The following LRRC56 variants were observed in gnomAD, a reference collection of about 807,000 sequenced individuals.
The protein encoded by LRRC56 is leucine rich repeat containing 56, also known as leucine-rich repeat-containing protein 56.
A neutral mutation model predicts 47.8 loss-of-function variants in LRRC56; 41 were observed. That is an observed-to-expected ratio of 0.86 (90% CI 0.67 to 1.11). The LOEUF (loss-of-function observed/expected upper bound fraction) is 1.11, where lower values mean the gene tolerates loss of function less well. Ranked by LOEUF, LRRC56 falls within the 50% of genes most tolerant of loss-of-function variation. LRRC56 has a pLI of 0.00. For missense variants in LRRC56, 759 were observed against 704.2 expected (o/e 1.08, Z -0.88); for synonymous variants, 387 against 311.2 (o/e 1.24, Z -2.56).
intron 13 of LRRC56, 134 bp from the exon 14 acceptor site, chr11:553,829 G>A (rs1852585515): frequency 4.1e-6 from 3 of 733,904 alleles, no homozygotes; most frequent in Admixed American, 2.4e-5. Flanking sequence ...GGGTGCAGGG[G>A]TGCTGCTGCC....
At chr11:526,307 C>T in the LRRC56 span, among the ~76,000 whole-genome samples, 1 of 152,184 alleles carries the variant, frequency 6.6e-6, no homozygotes, top group Non-Finnish European at 1.5e-5. Flanking sequence ...AGGAGACGTC[C>T]AGGCTGTGGC....
At chr11:544,806 G>C in intron 6 of LRRC56, 26 bp downstream of exon 6, 1 of 1,609,322 alleles carries the variant, frequency 6.2e-7, no homozygotes, top group Non-Finnish European at 8.5e-7. Flanking sequence ...GGGTGGGCTG[G>C]GGCCCTGCCA....
chr11:515,693 C>T, the LRRC56 span, among the ~76,000 whole-genome samples: 2 of 152,014 alleles, frequency 1.3e-5, no homozygotes, highest in African/African-American at 4.8e-5. Context: ...CAAAAAGTAG[C>T]CAGGTGTGGT....
At chr11:552,032 C>T (rs1239366695) in intron 11 of LRRC56, 58 bp from the exon 12 acceptor site, 3 of 1,606,316 alleles carry the variant, frequency 1.9e-6, no homozygotes, top group Non-Finnish European at 1.7e-6. Flanking sequence ...CTGACAGTGC[C>T]CTGCCCTGCC....
upstream of LRRC56, chr11:533,185 T>G: frequency 1.7e-6 from 2 of 1,182,766 alleles, no homozygotes; most frequent in Non-Finnish European, 2.3e-6. Flanking sequence ...ACCTCCGCCT[T>G]CCCCGGAGCT....
chr11:519,011 C>G, the LRRC56 span, among the ~76,000 whole-genome samples: 1 of 152,178 alleles, frequency 6.6e-6, no homozygotes, highest in East Asian at 1.9e-4. Context: ...AGGCGCCGCA[C>G]GGGGGAGGCT....
Position 550,104 on chromosome 11 carries a change from C to G in LRRC56, c.456C>G (p.Asp152Glu). The G allele has an allele frequency of 2.5e-6, 4 of 1,613,282 alleles. No homozygotes were observed. The highest frequency in any genetic ancestry group is 3.4e-6 in the Non-Finnish European group (4 of 1,179,734). Residue 152 changes from aspartate to glutamate, a missense_variant, in exon 8 of 14, where the codon GAC becomes GAG. Transcript: ENST00000270115. ...ACGCCTCCTACAACAACATCTCGGA[C>G]CTGAGCCCACTGTGCCTGCTGGAAC... ...ELYASYNNIS[D>E]LSPLCLLEQL...
the LRRC56 span, among the ~76,000 whole-genome samples, chr11:523,358 C>T: frequency 2.7e-5 from 4 of 148,694 alleles, no homozygotes; most frequent in Non-Finnish European, 4.5e-5. Flanking sequence ...GGGGGCCGGG[C>T]GTGGTGGCTC....
chr11:534,446 G>C, upstream of LRRC56: 1 of 757,224 alleles, frequency 1.3e-6, no homozygotes, highest in Non-Finnish European at 2.2e-6. Context: ...TGCTGGCAGG[G>C]CCATCTGAAG....
chr11:545,499 C>G (rs1046272952), intron 6 of LRRC56, among the ~76,000 whole-genome samples: 1 of 152,118 alleles, frequency 6.6e-6, no homozygotes, highest in African/African-American at 2.4e-5. Flanking sequence ...GTGTAAAGAA[C>G]CCAGACCAGA....
rs1207371433 is a variant in LRRC56, at chr11:544,748, G to A, written c.294G>A (p.Leu98=). The A allele has an allele frequency of 6.2e-7, 1 of 1,612,392 alleles. No individual in the cohort carries two copies. Among genetic ancestry groups the A allele is most frequent in the East Asian group, 2.2e-5 (1 of 44,876 alleles). Residue 98 remains leucine, a synonymous_variant, in exon 6 of 14, where the codon CTG becomes CTA. Transcript: ENST00000270115. ...TGCACCTGCCCAACCTGGACCAACT[G>A]AAGCTGAACGGCAGCCACCTGGGCT... ...FGVHLPNLDQ[L]KLNGSHLGSL...
chr11:517,173 G>A, the LRRC56 span, among the ~76,000 whole-genome samples: 14,843 of 152,310 alleles, frequency 0.097, 1,004 homozygotes, highest in Admixed American at 0.19. Context: ...AGGCTGGAGC[G>A]CAGTGGCGTG....
chr11:523,583 A>G, the LRRC56 span, among the ~76,000 whole-genome samples: 131 of 146,006 alleles, frequency 9.0e-4, no homozygotes, highest in Admixed American at 2.4e-3. Context: ...ATGACCCAAG[A>G]TTGCGCCACT....
At chr11:518,932 T>G in the LRRC56 span, among the ~76,000 whole-genome samples, 4 of 149,220 alleles carry the variant, frequency 2.7e-5, no homozygotes, top group Non-Finnish European at 4.4e-5. Context: ...TCACGTGACC[T>G]GGAAACCCCG....
At chr11:532,489 C>T in the LRRC56 span, 3 of 1,102,524 alleles carry the variant, frequency 2.7e-6, no homozygotes, top group South Asian at 4.4e-5. Context: ...GCACCTCCTT[C>T]CTGCATCCGG....
the LRRC56 span, among the ~76,000 whole-genome samples, chr11:524,461 G>A: frequency 6.6e-6 from 1 of 151,630 alleles, no homozygotes; most frequent in Admixed American, 6.6e-5. Context: ...GAGAAACCCC[G>A]TCTCTACTAA....
In LRRC56 at chr11:541,251, T is replaced by C. The variant is rs1300446445; in HGVS notation, c.178-286T>C. 2.0e-5 allele frequency among the ~76,000 whole-genome samples: 3 copies of C among 152,114 alleles called. No homozygotes were observed. The highest frequency in any genetic ancestry group is 2.9e-5 in the Non-Finnish European group (2 of 68,000). On this transcript the variant is annotated intron_variant, in intron 4 of 13. Coordinates refer to ENST00000270115, the MANE Select transcript of LRRC56 (RefSeq NM_198075.4). The surrounding 1 kb of genome is among the most constrained non-coding windows in gnomAD (Gnocchi z 4.1). ...GGGCAGGGCCCGGCGCGGTCCGGGC[T>C]CTGGGTGCCGGGTGTGGTGTGTCTG...
rs142995604 is a variant in LRRC56 at position 541,565 on chromosome 11, G to A, written c.206G>A (p.Arg69Gln). 1,196 of 1,584,914 alleles carry A rather than the reference G, an allele frequency of 7.5e-4. 7 individuals are homozygous for A. In the African/African-American group the frequency reaches 0.012, roughly 16 times the overall value. The stretch of plus-strand genomic sequence containing the variant: ...GCCCTGGCCCGGGTGGATGACCTTC[G>A]GCTGGTGAGGACGCTGGAGATGTGT... ...LQALARVDDL[R>Q]LVRTLEMCVD... The change falls in exon 5 of 14, where the codon CGG (arginine) becomes CAG (glutamine). Residue 69 changes from arginine to glutamine, a missense_variant. Coordinates refer to ENST00000270115, the MANE Select transcript of LRRC56 (RefSeq NM_198075.4). This position sits in a 1 kb window ranked among gnomAD's most constrained non-coding sequence, Gnocchi z 4.1.
upstream of LRRC56, among the ~76,000 whole-genome samples, chr11:534,807 G>A (rs1328552336): frequency 2.6e-5 from 4 of 152,148 alleles, 1 homozygote; most frequent in South Asian, 6.2e-4. Flanking sequence ...TGGTGCCTCC[G>A]ACAAGTATTT....
Sources: gnomAD v4.1 joint callset for allele counts (sites outside exome capture counted in the v4.1 genomes callset) on GRCh38, gnomAD v4.1.1 for gene constraint, Gnocchi (gnomAD v3.1) non-coding constraint, MANE v1.5 for transcripts, NCBI Gene and HGNC (gene_info 2026-07-23, HGNC 2026-07-21) for gene names.